GFRAL: variants seen among roughly 807,000 people sequenced by gnomAD.
GFRAL encodes the protein GDNF family receptor alpha-like.
GFRAL carries 36 observed loss-of-function variants against 45.4 expected under a neutral mutation model. That is an observed-to-expected ratio of 0.79 (90% CI 0.61 to 1.05). The LOEUF is 1.05. Ranked by LOEUF, GFRAL falls within the 50% of genes least tolerant of loss-of-function variation. The pLI is 0.00. For missense variants in GFRAL, 507 were observed against 467.5 expected (o/e 1.08, Z -0.78); for synonymous variants, 166 against 154.1 (o/e 1.08, Z -0.57).
chr6:55,366,246 C>A (rs905716723), intron 6 of GFRAL, among the ~76,000 whole-genome samples: 4 of 151,956 alleles, frequency 2.6e-5, no homozygotes, highest in Non-Finnish European at 4.4e-5. Context: ...TTGTAGTATT[C>A]TCTGATGATA....
intron 5 of GFRAL, among the ~76,000 whole-genome samples, chr6:55,355,998 T>C (rs191051609): frequency 2.1e-3 from 310 of 151,094 alleles, no homozygotes; most frequent in Non-Finnish European, 3.0e-3. Flanking sequence ...TTTTATGTCC[T>C]TCATTTTGTT....
chr6:55,389,780 G>A (rs1006393363), intron 6 of GFRAL, among the ~76,000 whole-genome samples: 10 of 152,154 alleles, frequency 6.6e-5, no homozygotes, highest in African/African-American at 2.4e-4. Context: ...ATGTATTTGT[G>A]TGTATATGTA....
intron 1 of GFRAL, among the ~76,000 whole-genome samples, chr6:55,327,810 C>T (rs1196171218): frequency 6.6e-6 from 1 of 151,978 alleles, no homozygotes; most frequent in Non-Finnish European, 1.5e-5. Context: ...AATCTCTCAG[C>T]TTGTTTCTGT....
At chr6:55,381,087 C>T (rs1768601777) in intron 6 of GFRAL, among the ~76,000 whole-genome samples, 1 of 151,840 alleles carries the variant, frequency 6.6e-6, no homozygotes, top group Admixed American at 6.6e-5. Context: ...ACAGTTGATC[C>T]TTCAGTGGTG....
In GFRAL at chr6:55,351,488, A is replaced by G. The variant is rs369716124; in HGVS notation, c.606A>G (p.Lys202=). 4 of 1,613,540 alleles carry G rather than the reference A, an allele frequency of 2.5e-6. No homozygotes were observed. The highest frequency in any genetic ancestry group is 3.4e-6 in the Non-Finnish European group (4 of 1,179,744). ...CTGATATACCTTGTCAGCAGTCCAA[A>G]GAAGCTCTTCACAGCAAGACATGTG... The part of the protein sequence containing the change: ...AQSDIPCQQS[K]EALHSKTCAV... The change falls in exon 5 of 9, where the codon AAA becomes AAG. Residue 202 remains lysine (K), a synonymous_variant. Transcript: ENST00000340465.
chr6:55,367,330 G>T lies in GFRAL; in HGVS notation c.952+8192G>T, dbSNP rs1324104035. 5.8e-4 allele frequency among the ~76,000 whole-genome samples: 82 copies of T among 141,722 alleles called. 3 individuals carry two copies. Among genetic ancestry groups the T allele is most frequent in the African/African-American group, 1.7e-3 (62 of 35,720 alleles). The allele number at this position is 141,722 out of a possible 152,430, so 93.0% of individuals were successfully genotyped here. A position where few individuals can be genotyped will look rare whatever the true frequency, so the allele number is the denominator to read the frequency against. On this transcript the variant is annotated intron_variant, in intron 6 of 8. Transcript: ENST00000340465. ...TCCATCCTTTTATTTTGAGCCTATGGGTGTCTCTGCACGTGAGATGGGTTT... is the reference window on the plus strand; with the variant it reads ...TCCATCCTTTTATTTTGAGCCTATGTGTGTCTCTGCACGTGAGATGGGTTT...
At chr6:55,355,540 T>C (rs1768179664) in intron 5 of GFRAL, among the ~76,000 whole-genome samples, 1 of 152,056 alleles carries the variant, frequency 6.6e-6, no homozygotes, top group African/African-American at 2.4e-5. Flanking sequence ...GCTGTTAGCA[T>C]ATAGAAATGC....
In GFRAL at chr6:55,376,449, T is replaced by C. The variant is rs768142094; in HGVS notation, c.952+17311T>C. On this transcript the variant is annotated intron_variant, in intron 6 of 8. Transcript: ENST00000340465. Reference sequence around the variant, plus strand: ...AGTAGAAATGGTACCAGCTCTTCTTTGTACCTCTGGTAGGATTCAGGTGTT... The same window carrying C: ...AGTAGAAATGGTACCAGCTCTTCTTCGTACCTCTGGTAGGATTCAGGTGTT... 1.1e-3 allele frequency among the ~76,000 whole-genome samples: 165 copies of C among 152,268 alleles called. 1 individual carries two copies. Among genetic ancestry groups the C allele is most frequent in the Non-Finnish European group, 1.9e-3 (128 of 68,004 alleles).
chr6:55,338,087 T>TTTA lies in GFRAL; in HGVS notation c.316+4157_316+4159dup, dbSNP rs200170695. On this transcript the variant is annotated intron_variant, in intron 3 of 8. Transcript: ENST00000340465. The stretch of plus-strand genomic sequence containing the variant: ...TGACTTCCACTTTGTTATGATTTAT[T>TTTA]TTATTATTATTATTATATTTTGAGG... Among the ~76,000 whole-genome samples, 304 of 152,140 alleles carry TTTA rather than the reference T, an allele frequency of 2.0e-3. 1 individual carries two copies. Among genetic ancestry groups the TTTA allele is most frequent in the Non-Finnish European group, 3.1e-3 (213 of 67,978 alleles).
chr6:55,365,002 G>T (rs987540816), intron 6 of GFRAL, among the ~76,000 whole-genome samples: 1 of 149,258 alleles, frequency 6.7e-6, no homozygotes, highest in Non-Finnish European at 1.5e-5. Context: ...TGATGGGGAT[G>T]GCATTGAATC....
At chr6:55,338,373 A>G (rs187585464) in intron 3 of GFRAL, among the ~76,000 whole-genome samples, 277 of 152,310 alleles carry the variant, frequency 1.8e-3, no homozygotes, top group Middle Eastern at 0.017. Context: ...AACAGGCATG[A>G]GCCACCATGC....
At chr6:55,393,241 A>G (rs2397187) in intron 6 of GFRAL, among the ~76,000 whole-genome samples, 6,088 of 152,290 alleles carry the variant, frequency 0.04, 168 homozygotes, top group African/African-American at 0.062. Context: ...TAGGTAATGT[A>G]TGCCACTATA....
intron 3 of GFRAL, among the ~76,000 whole-genome samples, chr6:55,343,115 C>T (rs1016490048): frequency 9.9e-5 from 15 of 152,134 alleles, no homozygotes; most frequent in African/African-American, 2.9e-4. Context: ...TTAGACAGAT[C>T]AATGAGACAG....
chr6:55,361,938 C>T (rs1354203), intron 6 of GFRAL, among the ~76,000 whole-genome samples: 10,488 of 152,004 alleles, frequency 0.069, 1,102 homozygotes, highest in East Asian at 0.36. Flanking sequence ...TGCATTGTTT[C>T]TCAAACTCAT....
rs111651546 is a variant in GFRAL, at chr6:55,338,882, C to T, written c.316+4938C>T. On this transcript the variant is annotated intron_variant, in intron 3 of 8. Coordinates refer to ENST00000340465, the MANE Select transcript of GFRAL (RefSeq NM_207410.2). Reference sequence around the variant, plus strand: ...TTTCTAAAGAGATTAGACTTTAAACCGTTGCTATGAGGAGCTATTACATAT... The same window carrying T: ...TTTCTAAAGAGATTAGACTTTAAACTGTTGCTATGAGGAGCTATTACATAT... Among the ~76,000 whole-genome samples the T allele has an allele frequency of 4.5e-4, 69 of 152,128 alleles. 1 individual carries two copies. The highest frequency in any genetic ancestry group is 1.4e-3 in the African/African-American group (60 of 41,510).
chr6:55,365,976 C>T (rs961262302), intron 6 of GFRAL, among the ~76,000 whole-genome samples: 5 of 147,316 alleles, frequency 3.4e-5, no homozygotes, highest in African/African-American at 1.3e-4. Flanking sequence ...GGGAGGATTC[C>T]CTCTTTTTCT....
rs751982558 is a variant in GFRAL at position 55,331,716 on chromosome 6, T to C, written c.24T>C (p.Ala8=). ...TTGTTTTTGTTGTTGTTATTCAAGC[T>C]ATGGGGTTAAGCTTGGAAAATGAAT... MIVFIFL[A]MGLSLENEYT... is the part of the protein sequence containing the mutation. Residue 8 remains alanine, a splice_region_variant and synonymous_variant, in exon 2 of 9, where the codon GCT becomes GCC. Transcript: ENST00000340465. 6 of 1,605,484 alleles carry C rather than the reference T, an allele frequency of 3.7e-6. No individual in the cohort carries two copies. Among genetic ancestry groups the C allele is most frequent in the Non-Finnish European group, 5.1e-6 (6 of 1,177,318 alleles).
intron 6 of GFRAL, among the ~76,000 whole-genome samples, chr6:55,392,155 C>G (rs914489587): frequency 6.6e-6 from 1 of 152,168 alleles, no homozygotes; most frequent in East Asian, 1.9e-4. Flanking sequence ...CAAGGACACC[C>G]AGAGTGCAAA....
At chr6:55,368,020 A>C (rs1482100321) in intron 6 of GFRAL, among the ~76,000 whole-genome samples, 1 of 147,930 alleles carries the variant, frequency 6.8e-6, no homozygotes, top group Non-Finnish European at 1.5e-5. Context: ...TCTCCTGGAT[A>C]ATATCCTGCA....
Sources: gnomAD v4.1 joint callset for allele counts (sites outside exome capture counted in the v4.1 genomes callset) on GRCh38, gnomAD v4.1.1 for gene constraint, MANE v1.5 for transcripts, NCBI Gene and HGNC (gene_info 2026-07-23, HGNC 2026-07-21) for gene names.